CCT6B: variants seen among roughly 807,000 people sequenced by gnomAD.
CCT6B encodes probable T-complex protein 1 subunit zeta-2.
Under a neutral mutation model 61.5 loss-of-function variants are expected in CCT6B, and 49 were observed. The observed-to-expected ratio is 0.80, with a 90% CI of 0.63 to 1.01. The LOEUF is 1.01. Ranked by LOEUF, CCT6B falls within the 50% of genes least tolerant of loss-of-function variation. The pLI, the probability that CCT6B is intolerant of heterozygous loss-of-function variation, is 0.00. For synonymous variants in CCT6B, 228 were observed against 214.5 expected, an observed-to-expected ratio of 1.06 and a Z score of -0.55; for missense variants, 666 against 634.7, an observed-to-expected ratio of 1.05 and a Z score of -0.53.
intron 3 of CCT6B, among the ~76,000 whole-genome samples, chr17:34,955,407 A>C (rs1294448175): frequency 6.6e-6 from 1 of 152,204 alleles, no homozygotes; most frequent in South Asian, 2.1e-4. Flanking sequence ...GTTTTAAGAA[A>C]TATACACTGA....
At chr17:34,931,086 T>C (rs751701658) in intron 11 of CCT6B, 35 bp from the exon 12 acceptor site, 17 of 717,132 alleles carry the variant, frequency 2.4e-5, no homozygotes, top group Non-Finnish European at 3.4e-5. Context: ...ATATTATATA[T>C]ATATGCATAA....
chr17:34,938,615 T>C (rs1041244241), intron 10 of CCT6B, among the ~76,000 whole-genome samples: 7 of 151,832 alleles, frequency 4.6e-5, no homozygotes, highest in Admixed American at 6.6e-5. Context: ...CCAGTAATCC[T>C]AGCACTTTGG....
At position 34,931,770 on chromosome 17, in the gene CCT6B, A is replaced by G. The variant is rs78390954; in HGVS notation, c.1347+597T>C. Among the ~76,000 whole-genome samples, 827 of 152,356 alleles carry G rather than the reference A, an allele frequency of 5.4e-3. 41 individuals carry two copies. The South Asian group carries it at 0.09, about 17-fold the overall frequency. ...TGCTAACATTGTTAATAATGTTTTAATTCATGGTAATAGCATCTTTGAAGT... is the reference window on the plus strand; with the variant it reads ...TGCTAACATTGTTAATAATGTTTTAGTTCATGGTAATAGCATCTTTGAAGT... On this transcript the variant is annotated intron_variant, in intron 11 of 13. Transcript: ENST00000314144.
rs1054018950 is a variant in CCT6B at position 34,940,412 on chromosome 17, A to G, written c.968+127T>C. ...AATTATTTACTGAAACTAAAAACAA[A>G]ATTTGGATTTTTTTATGCCACTGTT... On this transcript the variant is annotated intron_variant, in intron 8 of 13. Coordinates refer to ENST00000314144, the MANE Select transcript of CCT6B (RefSeq NM_006584.4). The G allele has an allele frequency of 6.9e-6, 4 of 576,166 alleles. No homozygotes were observed. In the African/African-American group the frequency reaches 7.9e-5, roughly 11 times the overall value. The allele number at this position is 576,166 out of a possible 1,614,324, so 35.7% of individuals were successfully genotyped here.
intron 5 of CCT6B, among the ~76,000 whole-genome samples, chr17:34,945,340 T>C (rs2090211676): frequency 6.6e-6 from 1 of 152,212 alleles, no homozygotes; most frequent in Admixed American, 6.5e-5. Context: ...TCCATATGGA[T>C]GCCTAATAGG....
In CCT6B at chr17:34,931,007, T is replaced by TA. The variant is rs1212640554; in HGVS notation, c.1391dup (p.Val466SerfsTer4). 3.1e-6 allele frequency: 5 copies of TA among 1,604,276 alleles called. No individual in the cohort carries two copies. The highest frequency in any genetic ancestry group is 4.3e-6 in the Non-Finnish European group (5 of 1,173,638). ...ACTCGACATGCTCAGCCTGAACTTT[T>TA]ACTAATGTTTCCTGTGGGTCATAAC... On this transcript the variant is annotated frameshift_variant, in exon 12 of 14. Transcript: ENST00000314144. LOFTEE classifies it high-confidence loss of function.
chr17:34,945,649 A>G (rs1014391523), intron 5 of CCT6B, among the ~76,000 whole-genome samples: 8 of 152,104 alleles, frequency 5.3e-5, no homozygotes, highest in Non-Finnish European at 1.0e-4. Flanking sequence ...TTATCTCCCA[A>G]TCAGCCGTTT....
At chr17:34,936,912 G>A (rs2090100916) in intron 10 of CCT6B, among the ~76,000 whole-genome samples, 1 of 152,150 alleles carries the variant, frequency 6.6e-6, no homozygotes. Flanking sequence ...ACGCACTTTG[G>A]GAGGCCAAGG....
chr17:34,933,701 T>C lies in CCT6B; in HGVS notation c.1214-1201A>G, dbSNP rs115842848. ...ACCTTTGAAAACTTCCCTGATCCCA[T>C]TCTCTGTGAAAACACAACATATCAA... is the stretch of plus-strand genomic sequence containing the variant. On this transcript the variant is annotated intron_variant, in intron 10 of 13. Transcript: ENST00000314144. 3.3e-3 allele frequency among the ~76,000 whole-genome samples: 504 copies of C among 152,300 alleles called. 1 individual carries two copies. Among genetic ancestry groups the C allele is most frequent in the African/African-American group, 0.012 (486 of 41,566 alleles).
chr17:34,949,141 G>C (rs956967991), intron 5 of CCT6B, among the ~76,000 whole-genome samples: 1 of 151,398 alleles, frequency 6.6e-6, no homozygotes, highest in Non-Finnish European at 1.5e-5. Context: ...GCATAGAAAA[G>C]AAAAGGAGAA....
At chr17:34,960,954 G>A (rs563627918) in intron 1 of CCT6B, among the ~76,000 whole-genome samples, 9 of 152,348 alleles carry the variant, frequency 5.9e-5, no homozygotes, top group African/African-American at 2.2e-4. Context: ...TTAAGGAGCA[G>A]AGGAGTTAAA....
At position 34,939,292 on chromosome 17, in the gene CCT6B, G is replaced by A. The variant is rs913257420; in HGVS notation, c.1104C>T (p.Asn368=). The change falls in exon 10 of 14, where the codon AAC becomes AAT. Residue 368 remains asparagine (N), a synonymous_variant. Coordinates refer to ENST00000314144, the MANE Select transcript of CCT6B (RefSeq NM_006584.4). ...TAACCAACAAGGTAACAGAGCAAGG[G>A]TTAACACACTCCTCAATAAAAGTGA... is the stretch of plus-strand genomic sequence containing the variant. ...EKFTFIEECV[N]PCSVTLLVKG... 6 of 1,613,454 alleles carry A rather than the reference G, an allele frequency of 3.7e-6. No homozygotes were observed. Among genetic ancestry groups the A allele is most frequent in the Non-Finnish European group, 5.1e-6 (6 of 1,179,758 alleles).
rs768539622 is a variant in CCT6B, at chr17:34,954,426, C to A, written c.510G>T (p.Glu170Asp). The change falls in exon 4 of 14, where the codon GAG (glutamate) becomes GAT (aspartate). Residue 170 changes from glutamate to aspartate, a missense_variant and splice_region_variant. Physicochemically the swap from Glu to Asp is conservative, Grantham distance 45. Coordinates refer to ENST00000314144, the MANE Select transcript of CCT6B (RefSeq NM_006584.4). Reference protein sequence around the residue: ...VHAELADVLTEVVVDSVLAVR... With the variant: ...VHAELADVLTDVVVDSVLAVR... The stretch of plus-strand genomic sequence containing the variant: ...TGAATGCAAAAGTTTAATAACATAC[C>A]TCTGTTAAGACATCAGCCAGTTCAG... 8 of 1,594,148 alleles carry A rather than the reference C, an allele frequency of 5.0e-6. No homozygotes were observed. Among genetic ancestry groups the A allele is most frequent in the Non-Finnish European group, 6.8e-6 (8 of 1,172,522 alleles).
chr17:34,959,234 T>C (rs1181753262), intron 2 of CCT6B, among the ~76,000 whole-genome samples: 1 of 147,052 alleles, frequency 6.8e-6, no homozygotes, highest in Non-Finnish European at 1.5e-5. Context: ...AGTGATCCTC[T>C]CACCTCAGCC....
At chr17:34,936,947 G>A (rs1430945219) in intron 10 of CCT6B, among the ~76,000 whole-genome samples, 1 of 152,076 alleles carries the variant, frequency 6.6e-6, no homozygotes, top group African/African-American at 2.4e-5. Flanking sequence ...GAGCCCAGGA[G>A]TTTGAGACCA....
chr17:34,940,435 G>T, intron 8 of CCT6B, 104 bp downstream of exon 8: 1 of 648,228 alleles, frequency 1.5e-6, no homozygotes, highest in African/African-American at 1.9e-5. Flanking sequence ...TTATGCCACT[G>T]TTTTGTTCAA....
chr17:34,930,132 C>A (rs2090019757), intron 12 of CCT6B, among the ~76,000 whole-genome samples: 1 of 152,102 alleles, frequency 6.6e-6, no homozygotes, highest in Non-Finnish European at 1.5e-5. Context: ...ATTAGCCGGG[C>A]GTGGCAGCAG....
chr17:34,959,230 C>T (rs1009629346), intron 2 of CCT6B, among the ~76,000 whole-genome samples: 2 of 146,744 alleles, frequency 1.4e-5, no homozygotes, highest in Admixed American at 7.1e-5. Flanking sequence ...CTCAAGTGAT[C>T]CTCTCACCTC....
chr17:34,932,558 A>G (rs1225358879), intron 10 of CCT6B, 58 bp from the exon 11 acceptor site: 4 of 1,495,778 alleles, frequency 2.7e-6, no homozygotes, highest in Non-Finnish European at 3.6e-6. Context: ...AAAGAGAGAG[A>G]GAGACAGAAA....
Sources: gnomAD v4.1 joint callset for allele counts (sites outside exome capture counted in the v4.1 genomes callset) on GRCh38, gnomAD v4.1.1 for gene constraint, MANE v1.5 for transcripts, NCBI Gene and HGNC (gene_info 2026-07-23, HGNC 2026-07-21) for gene names.